The following PCYT1A variants were observed in gnomAD, a reference collection of about 807,000 sequenced individuals.
PCYT1A encodes the protein phosphate cytidylyltransferase 1A, choline.
PCYT1A carries 25 observed loss-of-function variants against 43.7 expected under a neutral mutation model. That is an observed-to-expected ratio of 0.57 (90% CI 0.42 to 0.80). The LOEUF (loss-of-function observed/expected upper bound fraction) is 0.80. PCYT1A is among the 30% of genes least tolerant of loss of function. The pLI, the probability that PCYT1A is intolerant of heterozygous loss-of-function variation, is 0.00. For missense variants in PCYT1A, 421 were observed against 474.2 expected (o/e 0.89, Z 1.04); for synonymous variants, 172 against 170.7 (o/e 1.01, Z -0.06).
At position 196,273,128 on chromosome 3, in the gene PCYT1A, C is replaced by T. The variant is rs896505036; in HGVS notation, c.-10-2587G>A. Among the ~76,000 whole-genome samples, 2 of 152,190 alleles carry T rather than the reference C, an allele frequency of 1.3e-5. No homozygotes were observed. Among genetic ancestry groups the T allele is most frequent in the African/African-American group, 4.8e-5 (2 of 41,458 alleles). On this transcript the variant is annotated intron_variant, in intron 1 of 8. Coordinates refer to ENST00000431016, the MANE Select transcript of PCYT1A (RefSeq NM_001312673.2). The surrounding 1 kb of genome is among the most constrained non-coding windows in gnomAD (Gnocchi z 4.1). The stretch of plus-strand genomic sequence containing the variant: ...CCTGAGAGGCTGCAGCTGAACCAGG[C>T]GTACTACAAGCAGCTTCCACTGCAG...
intron 2 of PCYT1A, among the ~76,000 whole-genome samples, chr3:196,269,964 C>G (rs1473142429): frequency 6.6e-6 from 1 of 152,140 alleles, no homozygotes; most frequent in Non-Finnish European, 1.5e-5. Context: ...TCCTCCGCCT[C>G]CCGAGTTCAA....
Position 196,242,891 on chromosome 3 carries a change from C to G in PCYT1A, c.487-251G>C. 3.9e-6 allele frequency: 2 copies of G among 515,696 alleles called. No homozygotes were observed. Among genetic ancestry groups the G allele is most frequent in the South Asian group, 4.2e-5 (2 of 48,058 alleles). 31.9% of individuals were successfully genotyped at this position (515,696 alleles called of 1,614,324 possible). On this transcript the variant is annotated intron_variant, in intron 5 of 8. Coordinates refer to ENST00000431016, the MANE Select transcript of PCYT1A (RefSeq NM_001312673.2). The surrounding 1 kb of genome is among the most constrained non-coding windows in gnomAD (Gnocchi z 4.2). ...TCTCCTAGTCTGCTAGAACTGTTACCCTCACTCTGTATACCAGTCATCTTG... is the reference window on the plus strand; with the variant it reads ...TCTCCTAGTCTGCTAGAACTGTTACGCTCACTCTGTATACCAGTCATCTTG...
At chr3:196,260,026 G>A (rs1249616685) in intron 2 of PCYT1A, among the ~76,000 whole-genome samples, 1 of 140,608 alleles carries the variant, frequency 7.1e-6, no homozygotes, top group African/African-American at 2.6e-5. Flanking sequence ...AGGTTCAAGC[G>A]ATTCTCATGC....
chr3:196,241,528 T>C (rs1410754886), intron 7 of PCYT1A: 1 of 1,291,116 alleles, frequency 7.7e-7, no homozygotes, highest in Admixed American at 2.3e-5. Context: ...TAAACTTAAC[T>C]TTCGTCAATC....
chr3:196,265,462 A>G (rs1207446900), intron 2 of PCYT1A, among the ~76,000 whole-genome samples: 2 of 152,164 alleles, frequency 1.3e-5, no homozygotes, highest in African/African-American at 4.8e-5. Context: ...TCAATAAATG[A>G]TTTATACTTA....
At chr3:196,270,234 A>G (rs1725390968) in intron 2 of PCYT1A, among the ~76,000 whole-genome samples, 181 bp downstream of exon 2, 3 of 152,194 alleles carry the variant, frequency 2.0e-5, no homozygotes, top group Non-Finnish European at 2.9e-5. Flanking sequence ...TCTAAACCCA[A>G]TGTAAAGCTT....
intron 2 of PCYT1A, among the ~76,000 whole-genome samples, chr3:196,261,422 C>T (rs1275804846): frequency 1.3e-5 from 2 of 152,072 alleles, no homozygotes; most frequent in Admixed American, 6.6e-5. Flanking sequence ...ACTGGGAGGC[C>T]GAGGCAGGCA....
rs990943913 is a variant in PCYT1A, at chr3:196,247,261, G to C, written c.486+106C>G. Reference sequence around the variant, plus strand: ...CATCTCCTACGAAACTTACATAAGAGGTAGAAGTAAAACACGGCTAGTGGA... The same window carrying C: ...CATCTCCTACGAAACTTACATAAGACGTAGAAGTAAAACACGGCTAGTGGA... On this transcript the variant is annotated intron_variant, in intron 5 of 8. Transcript: ENST00000431016. This position sits in a 1 kb window ranked among gnomAD's most constrained non-coding sequence, Gnocchi z 4.8. The C allele has an allele frequency of 4.4e-6, 5 of 1,132,568 alleles. No homozygotes were observed. The highest frequency in any genetic ancestry group is 3.0e-4 in the Middle Eastern group (1 of 3,348). The allele number at this position is 1,132,568 out of a possible 1,614,324, so 70.2% of individuals were successfully genotyped here.
chr3:196,267,313 G>A, intron 2 of PCYT1A: 3 of 456,580 alleles, frequency 6.6e-6, no homozygotes, highest in Non-Finnish European at 1.3e-5. Flanking sequence ...GTCCAGAACA[G>A]GCAAATCCAC....
chr3:196,286,827 T>C (rs1299937676), intron 1 of PCYT1A, among the ~76,000 whole-genome samples: 1 of 152,170 alleles, frequency 6.6e-6, no homozygotes, highest in Non-Finnish European at 1.5e-5. Context: ...GACAAGAGAA[T>C]CGCTTGAACC....
In PCYT1A at chr3:196,268,256, C is replaced by A. The variant is rs1725334714; in HGVS notation, c.117+2159G>T. Reference sequence around the variant, plus strand: ...TGATTGGCTGATTAGCTGACAGTATCACCTATTTGGTTATAACTTGTTCCT... The same window carrying A: ...TGATTGGCTGATTAGCTGACAGTATAACCTATTTGGTTATAACTTGTTCCT... On this transcript the variant is annotated intron_variant, in intron 2 of 8. Transcript: ENST00000431016. The surrounding 1 kb of genome is among the most constrained non-coding windows in gnomAD (Gnocchi z 4.4). 6.6e-6 allele frequency among the ~76,000 whole-genome samples: 1 copy of A among 152,162 alleles called. No individual in the cohort carries two copies. The highest frequency in any genetic ancestry group is 6.6e-5 in the Admixed American group (1 of 15,262).
intron 3 of PCYT1A, chr3:196,250,608 TGCTGAGGACCAGATACACTATGCTGAG>T: frequency 6.3e-6 from 1 of 159,540 alleles, no homozygotes; most frequent in East Asian, 2.1e-4. Context: ...AGATACACTA[TGCTGAGGACCAGATACACTATGCTGAG>T]GCTGAGGATC....
chr3:196,280,792 G>T (rs1050839983), intron 1 of PCYT1A, among the ~76,000 whole-genome samples: 3 of 152,022 alleles, frequency 2.0e-5, no homozygotes, highest in Non-Finnish European at 4.4e-5. Flanking sequence ...TTATCTGAAT[G>T]TGGCTGTTCT....
chr3:196,241,948 G>A lies in PCYT1A; in HGVS notation c.708C>T (p.Asn236=), dbSNP rs144959632. 27 of 1,614,060 alleles carry A rather than the reference G, an allele frequency of 1.7e-5. No individual in the cohort carries two copies. Among genetic ancestry groups the A allele is most frequent in the South Asian group, 1.1e-4 (10 of 91,092 alleles). ...TAKELNVSFI[N]EKKYHLQERV... ...ACTCTGGGGTAAGGCTGGAACTCACGTTGATAAAGCTGACATTGAGCTCCT... is the reference window on the plus strand; with the variant it reads ...ACTCTGGGGTAAGGCTGGAACTCACATTGATAAAGCTGACATTGAGCTCCT... Residue 236 remains asparagine, a splice_region_variant and synonymous_variant, in exon 7 of 9, where the codon AAC becomes AAT. Transcript: ENST00000431016.
At chr3:196,285,665 T>C (rs747302560) in intron 1 of PCYT1A, among the ~76,000 whole-genome samples, 14 of 152,272 alleles carry the variant, frequency 9.2e-5, no homozygotes, top group Non-Finnish European at 2.1e-4. Context: ...GTACAAATCA[T>C]TGAATTAGAG....
chr3:196,282,407 ATCTCT>A lies in PCYT1A; in HGVS notation c.-11+5203_-11+5207del, dbSNP rs1725794764. Among the ~76,000 whole-genome samples the A allele has an allele frequency of 6.6e-6, 1 of 152,210 alleles. No homozygotes were observed. Among genetic ancestry groups the A allele is most frequent in the Non-Finnish European group, 1.5e-5 (1 of 68,034 alleles). On this transcript the variant is annotated intron_variant, in intron 1 of 8. Coordinates refer to ENST00000431016, the MANE Select transcript of PCYT1A (RefSeq NM_001312673.2). This position sits in a 1 kb window ranked among gnomAD's most constrained non-coding sequence, Gnocchi z 4.3. ...TCCTAGAGTGGGTTATGGAACTCATATCTCTGAGGCAGGGTCTATGATAGAATTCA... is the reference window on the plus strand; with the variant it reads ...TCCTAGAGTGGGTTATGGAACTCATAGAGGCAGGGTCTATGATAGAATTCA...
Position 196,238,452 on chromosome 3 carries a change from G to GT in PCYT1A, c.*235_*236insA. 2.7e-6 allele frequency: 1 copy of GT among 365,962 alleles called. No homozygotes were observed. 22.7% of individuals were successfully genotyped at this position (365,962 alleles called of 1,614,324 possible). On this transcript the variant is annotated 3_prime_UTR_variant, in exon 9 of 9. Coordinates refer to ENST00000431016, the MANE Select transcript of PCYT1A (RefSeq NM_001312673.2). Reference sequence around the variant, plus strand: ...CAGTGAAACAAAGCCCTTGGGGGGGGGTAAATGGATGCAGAGCAGGCTTCT... The same window carrying GT: ...CAGTGAAACAAAGCCCTTGGGGGGGGTGTAAATGGATGCAGAGCAGGCTTCT...
chr3:196,278,140 G>A (rs750727057), intron 1 of PCYT1A, among the ~76,000 whole-genome samples: 1 of 152,080 alleles, frequency 6.6e-6, no homozygotes, highest in Non-Finnish European at 1.5e-5. Context: ...GGATGAGGGC[G>A]TACTGAAGAC....
chr3:196,279,706 A>G (rs1321372105), intron 1 of PCYT1A, among the ~76,000 whole-genome samples: 1 of 151,916 alleles, frequency 6.6e-6, no homozygotes, highest in African/African-American at 2.4e-5. Flanking sequence ...ACAGCTAGTC[A>G]TATTTTTCCA....
Sources: allele counts gnomAD v4.1 joint callset (sites outside exome capture counted in the v4.1 genomes callset), GRCh38; gene constraint gnomAD v4.1.1; non-coding constraint Gnocchi (gnomAD v3.1); transcripts MANE v1.5; gene names NCBI Gene and HGNC (gene_info 2026-07-23, HGNC 2026-07-21).